NRCAM: variants seen among roughly 807,000 people sequenced by gnomAD.
NRCAM encodes the protein NgCAM-related cell adhesion molecule.
NRCAM carries 83 observed loss-of-function variants against 156.5 expected under a neutral mutation model. The observed-to-expected ratio is 0.53, with a 90% confidence interval of 0.44 to 0.64. The LOEUF (loss-of-function observed/expected upper bound fraction) is 0.64. Ranked by LOEUF, NRCAM falls within the 30% of genes least tolerant of loss-of-function variation. The pLI, the probability that NRCAM is intolerant of heterozygous loss-of-function variation, is 0.00. For synonymous variants in NRCAM, 538 were observed against 563.9 expected (o/e 0.95, Z 0.65); for missense variants, 1,417 against 1,597.3 (o/e 0.89, Z 1.92).
intron 3 of NRCAM, among the ~76,000 whole-genome samples, chr7:108,269,390 T>G (rs2097252627): frequency 7.9e-5 from 12 of 152,174 alleles, no homozygotes; most frequent in Admixed American, 7.9e-4. Flanking sequence ...TGATTTCACT[T>G]TGTAATTGTA....
chr7:108,309,246 G>A (rs939941280), intron 3 of NRCAM, among the ~76,000 whole-genome samples: 5 of 152,192 alleles, frequency 3.3e-5, no homozygotes, highest in African/African-American at 4.8e-5. Flanking sequence ...TCACAATGAA[G>A]AGGGAGGAAG....
chr7:108,366,440 A>G (rs183316193), intron 2 of NRCAM, among the ~76,000 whole-genome samples: 18 of 152,340 alleles, frequency 1.2e-4, no homozygotes, highest in African/African-American at 4.1e-4. Context: ...TTAGATATGA[A>G]GATATGTGTT....
intron 13 of NRCAM, among the ~76,000 whole-genome samples, chr7:108,199,012 A>T (rs1182198247): frequency 6.6e-6 from 1 of 152,212 alleles, no homozygotes; most frequent in African/African-American, 2.4e-5. Context: ...CTTTGAGCTT[A>T]TATTGCTTTA....
intron 3 of NRCAM, among the ~76,000 whole-genome samples, chr7:108,281,578 G>A (rs1464811560): frequency 2.0e-5 from 3 of 152,192 alleles, no homozygotes; most frequent in African/African-American, 4.8e-5. Context: ...ATGGCAGAGG[G>A]GTCTAGCTGG....
intron 2 of NRCAM, among the ~76,000 whole-genome samples, chr7:108,398,294 T>A (rs867087922): frequency 2.4e-4 from 37 of 152,200 alleles, no homozygotes; most frequent in African/African-American, 8.2e-4. Context: ...ATTTTCCTAC[T>A]TCCCATGCCC....
At chr7:108,302,565 T>C (rs1186854532) in intron 3 of NRCAM, among the ~76,000 whole-genome samples, 2 of 152,210 alleles carry the variant, frequency 1.3e-5, no homozygotes, top group African/African-American at 4.8e-5. Flanking sequence ...CTAAAGTTCT[T>C]GGTAAATTTA....
At chr7:108,418,032 C>T (rs982619114) in intron 1 of NRCAM, among the ~76,000 whole-genome samples, 2 of 152,254 alleles carry the variant, frequency 1.3e-5, no homozygotes, top group Admixed American at 1.3e-4. Flanking sequence ...AGAATAAAAG[C>T]ATGGAGCTCT....
At chr7:108,239,483 G>A (rs1464190836) in intron 4 of NRCAM, among the ~76,000 whole-genome samples, 1 of 152,168 alleles carries the variant, frequency 6.6e-6, no homozygotes, top group Non-Finnish European at 1.5e-5. Flanking sequence ...TAGGGATTCC[G>A]AGGGGCATGG....
At chr7:108,233,772 C>T (rs1377798633) in intron 6 of NRCAM, among the ~76,000 whole-genome samples, 1 of 152,176 alleles carries the variant, frequency 6.6e-6, no homozygotes, top group African/African-American at 2.4e-5. Flanking sequence ...GAAACTTTCA[C>T]TACTTTATTG....
intron 2 of NRCAM, among the ~76,000 whole-genome samples, chr7:108,379,817 A>G (rs2099692958): frequency 6.6e-6 from 1 of 152,220 alleles, no homozygotes; most frequent in Non-Finnish European, 1.5e-5. Flanking sequence ...GCAGAATTGA[A>G]TAAGTTGCCC....
At chr7:108,366,745 T>C (rs549493678) in intron 2 of NRCAM, among the ~76,000 whole-genome samples, 34 of 152,316 alleles carry the variant, frequency 2.2e-4, no homozygotes, top group Admixed American at 1.4e-3. Context: ...AAATACCTAA[T>C]TGCAAGCTAA....
intron 8 of NRCAM, 121 bp from the exon 9 acceptor site, chr7:108,226,499 A>T: frequency 1.7e-6 from 1 of 575,430 alleles, no homozygotes; most frequent in Non-Finnish European, 2.9e-6. Context: ...TTTTTTCTCT[A>T]TATAGCTCTT....
At chr7:108,214,382 G>A (rs922181471) in intron 11 of NRCAM, among the ~76,000 whole-genome samples, 9 of 152,110 alleles carry the variant, frequency 5.9e-5, no homozygotes, top group South Asian at 4.1e-4. Flanking sequence ...GTTTATTTGC[G>A]TAGAGGTGTT....
At chr7:108,254,928 CAT>C (rs2096554407) in intron 3 of NRCAM, among the ~76,000 whole-genome samples, 1 of 152,266 alleles carries the variant, frequency 6.6e-6, no homozygotes, top group African/African-American at 2.4e-5. Context: ...GTAATGAAAA[CAT>C]ATAACCACAC....
chr7:108,392,816 G>C (rs182977117), intron 2 of NRCAM, among the ~76,000 whole-genome samples: 1 of 152,210 alleles, frequency 6.6e-6, no homozygotes. Context: ...AGGTCTGTTG[G>C]GGTTTGCTGG....
chr7:108,377,407 C>A (rs2099680759), intron 2 of NRCAM, among the ~76,000 whole-genome samples: 2 of 152,034 alleles, frequency 1.3e-5, no homozygotes, highest in South Asian at 2.1e-4. Flanking sequence ...GTCAACAAAC[C>A]TAGCTATAAA....
At chr7:108,412,481 T>C (rs1296279763) in intron 1 of NRCAM, among the ~76,000 whole-genome samples, 1 of 152,214 alleles carries the variant, frequency 6.6e-6, no homozygotes, top group Non-Finnish European at 1.5e-5. Context: ...TTTTGAAATA[T>C]ATATGCATTG....
intron 32 of NRCAM, among the ~76,000 whole-genome samples, chr7:108,157,195 C>T (rs912252782): frequency 6.6e-6 from 1 of 152,068 alleles, no homozygotes; most frequent in Non-Finnish European, 1.5e-5. Context: ...ACATGTATGA[C>T]AAATGTACAA....
At chr7:108,261,043 T>G (rs2096869806) in intron 3 of NRCAM, among the ~76,000 whole-genome samples, 1 of 151,938 alleles carries the variant, frequency 6.6e-6, no homozygotes, top group Non-Finnish European at 1.5e-5. Flanking sequence ...GGAGGGGAAG[T>G]GAATGTGGGG....
Sources: allele counts gnomAD v4.1 joint callset (sites outside exome capture counted in the v4.1 genomes callset), GRCh38; gene constraint gnomAD v4.1.1; transcripts MANE v1.5; gene names NCBI Gene and HGNC (gene_info 2026-07-23, HGNC 2026-07-21).